Variants in MYLK4 observed in about 807,000 individuals in gnomAD.
MYLK4 encodes the protein myosin light chain kinase family member 4.
MYLK4 carries 46 observed loss-of-function variants against 48.1 expected under a neutral mutation model. The observed-to-expected ratio is 0.96, with a 90% CI of 0.75 to 1.22. MYLK4 has a LOEUF of 1.22. MYLK4 is among the 50% of genes most tolerant of loss of function. The pLI is 0.00. For synonymous variants in MYLK4, 170 were observed against 180.8 expected, an observed-to-expected ratio of 0.94 and a Z score of 0.48; for missense variants, 451 against 486.1, an observed-to-expected ratio of 0.93 and a Z score of 0.68.
chr6:2,675,640 A>T (rs544967083), intron 10 of MYLK4, among the ~76,000 whole-genome samples: 11 of 152,338 alleles, frequency 7.2e-5, no homozygotes, highest in African/African-American at 2.6e-4. Context: ...AGATACTTTT[A>T]TGAAGAAACA....
the MYLK4 span, among the ~76,000 whole-genome samples, chr6:2,766,700 G>A: frequency 6.6e-6 from 1 of 152,206 alleles, no homozygotes; most frequent in African/African-American, 2.4e-5. Context: ...TGAATCCATA[G>A]TTTTACAAGA....
In MYLK4 at chr6:2,667,730, G is replaced by T. The variant is rs1277346269; in HGVS notation, c.*195C>A. On this transcript the variant is annotated 3_prime_UTR_variant, in exon 13 of 13. Coordinates refer to ENST00000274643, the MANE Select transcript of MYLK4 (RefSeq NM_001012418.5). ...TGTGTTTGCGCCCTGAGACCAGACC[G>T]CAGCGCTGGGTGTTCCTCTGAGCGC... 2 of 152,604 alleles carry T rather than the reference G, an allele frequency of 1.3e-5. No homozygotes were observed. Among genetic ancestry groups the T allele is most frequent in the Non-Finnish European group, 2.9e-5 (2 of 68,044 alleles). The allele number at this position is 152,604 out of a possible 1,614,324, so 9.5% of individuals were successfully genotyped here. A position where few individuals can be genotyped will look rare whatever the true frequency, so the allele number is the denominator to read the frequency against.
intron 2 of MYLK4, among the ~76,000 whole-genome samples, chr6:2,722,365 T>C (rs66647113): frequency 0.098 from 14,890 of 152,184 alleles, 789 homozygotes; most frequent in Non-Finnish European, 0.11. Flanking sequence ...GAGCAAGAAA[T>C]AAAAATTTAT....
Position 2,685,798 on chromosome 6 carries a change from C to T in MYLK4, c.342-222G>A, listed in dbSNP as rs553660230. 2.6e-5 allele frequency among the ~76,000 whole-genome samples: 4 copies of T among 152,180 alleles called. No individual in the cohort carries two copies. Among genetic ancestry groups the T allele is most frequent in the East Asian group, 1.9e-4 (1 of 5,174 alleles). ...TAAGAAAGCAGGTCTCGGCCGGGCA[C>T]GGTGGCTCACACCTGTAATCCCAGC... On this transcript the variant is annotated intron_variant, in intron 4 of 12. Transcript: ENST00000274643. This position sits in a 1 kb window ranked among gnomAD's most constrained non-coding sequence, Gnocchi z 4.5.
chr6:2,723,654 T>C (rs2113296840), intron 2 of MYLK4, among the ~76,000 whole-genome samples: 1 of 152,268 alleles, frequency 6.6e-6, no homozygotes, highest in Admixed American at 6.5e-5. Flanking sequence ...GGTTTTGGCT[T>C]TTTGCATCCT....
At chr6:2,748,701 C>G (rs923258484) in intron 2 of MYLK4, among the ~76,000 whole-genome samples, 4 of 152,246 alleles carry the variant, frequency 2.6e-5, no homozygotes, top group African/African-American at 9.6e-5. Flanking sequence ...GTGCCATCAG[C>G]AAGTCTTTCT....
chr6:2,758,251 T>C, the MYLK4 span, among the ~76,000 whole-genome samples: 3 of 152,026 alleles, frequency 2.0e-5, no homozygotes, highest in Admixed American at 6.6e-5. Flanking sequence ...CAGTGTAACA[T>C]CACTTACTGT....
upstream of MYLK4, among the ~76,000 whole-genome samples, chr6:2,751,322 TAGA>T (rs368138410): frequency 1.4e-4 from 22 of 152,358 alleles, no homozygotes; most frequent in African/African-American, 4.8e-4. Flanking sequence ...AACTGCAATA[TAGA>T]AGATCTTCTG....
At chr6:2,702,578 C>T (rs137955557) in intron 2 of MYLK4, among the ~76,000 whole-genome samples, 152 of 152,218 alleles carry the variant, frequency 1.0e-3, no homozygotes, top group East Asian at 7.7e-4. Context: ...AACTATTGCA[C>T]GGCTTGGTGA....
intron 2 of MYLK4, among the ~76,000 whole-genome samples, chr6:2,716,469 G>C (rs557911461): frequency 1.2e-4 from 19 of 152,338 alleles, no homozygotes; most frequent in African/African-American, 4.6e-4. Flanking sequence ...TTGTTATGCA[G>C]ATAGAAACTT....
the MYLK4 span, chr6:2,765,885 C>T: frequency 1.4e-6 from 2 of 1,450,926 alleles, no homozygotes; most frequent in Non-Finnish European, 1.8e-6. Context: ...ACCCCGACGG[C>T]AGCCGAGAGC....
intron 1 of MYLK4, among the ~76,000 whole-genome samples, chr6:2,750,311 T>C (rs1764251199): frequency 6.6e-6 from 1 of 152,244 alleles, no homozygotes; most frequent in Non-Finnish European, 1.5e-5. Flanking sequence ...AGTTCCAAAG[T>C]GTTTAAAATT....
the MYLK4 span, among the ~76,000 whole-genome samples, chr6:2,768,084 C>A: frequency 1.3e-5 from 2 of 152,122 alleles, no homozygotes; most frequent in African/African-American, 2.4e-5. Flanking sequence ...AGTGCTTTAC[C>A]TGGGTCTCCT....
chr6:2,764,636 T>G, the MYLK4 span, among the ~76,000 whole-genome samples: 1 of 152,190 alleles, frequency 6.6e-6, no homozygotes, highest in Non-Finnish European at 1.5e-5. Context: ...TTCTTTCCAT[T>G]TCTATCCGTC....
At chr6:2,719,986 A>G (rs867087380) in intron 2 of MYLK4, among the ~76,000 whole-genome samples, 2 of 152,068 alleles carry the variant, frequency 1.3e-5, no homozygotes, top group Non-Finnish European at 2.9e-5. Flanking sequence ...AAAAATACAA[A>G]AATCAGTCCT....
chr6:2,694,358 G>A (rs1038723342), intron 2 of MYLK4, among the ~76,000 whole-genome samples: 9 of 150,894 alleles, frequency 6.0e-5, no homozygotes, highest in Non-Finnish European at 1.0e-4. Flanking sequence ...AACACTTTAA[G>A]CCTTTTTTCC....
At chr6:2,694,282 C>T (rs924685059) in intron 2 of MYLK4, among the ~76,000 whole-genome samples, 11 of 151,854 alleles carry the variant, frequency 7.2e-5, no homozygotes, top group African/African-American at 2.2e-4. Flanking sequence ...TCAAACAAAG[C>T]TGATTGCTCC....
chr6:2,764,620 C>T, the MYLK4 span, among the ~76,000 whole-genome samples: 1 of 152,194 alleles, frequency 6.6e-6, no homozygotes, highest in Non-Finnish European at 1.5e-5. Flanking sequence ...TTGTTTTAAT[C>T]TGATATTCTT....
chr6:2,759,206 C>T, the MYLK4 span, among the ~76,000 whole-genome samples: 1 of 152,178 alleles, frequency 6.6e-6, no homozygotes, highest in Admixed American at 6.5e-5. Flanking sequence ...GCCTTGAATT[C>T]CTGGCCTCAA....
Sources: gnomAD v4.1 joint callset for allele counts (sites outside exome capture counted in the v4.1 genomes callset) on GRCh38, gnomAD v4.1.1 for gene constraint, Gnocchi (gnomAD v3.1) non-coding constraint, MANE v1.5 for transcripts, NCBI Gene and HGNC (gene_info 2026-07-23, HGNC 2026-07-21) for gene names.